CELF4: variants seen among roughly 807,000 people sequenced by gnomAD.
CELF4 encodes the protein CUGBP Elav-like family member 4.
A neutral mutation model predicts 59.9 loss-of-function variants in CELF4; 18 were observed. The observed-to-expected ratio is 0.30, with a 90% CI of 0.21 to 0.45. CELF4 has a LOEUF of 0.45. CELF4 is among the 20% of genes least tolerant of loss of function. The pLI is 1.00. For synonymous variants in CELF4, 261 were observed against 267.1 expected (o/e 0.98, Z 0.22); for missense variants, 456 against 689.0 (o/e 0.66, Z 3.79).
At chr18:37,255,625 C>T (rs2068814133) in intron 11 of CELF4, among the ~76,000 whole-genome samples, 1 of 151,744 alleles carries the variant, frequency 6.6e-6, no homozygotes, top group African/African-American at 2.4e-5. Flanking sequence ...TCACTAAAGT[C>T]AAGTTACGTC....
intron 2 of CELF4, among the ~76,000 whole-genome samples, chr18:37,350,391 A>G (rs1364379219): frequency 2.6e-5 from 4 of 152,190 alleles, no homozygotes; most frequent in Non-Finnish European, 5.9e-5. Flanking sequence ...TCCTCTTCTC[A>G]GGACAACAGC....
chr18:37,471,906 C>T (rs1280586473), intron 2 of CELF4, among the ~76,000 whole-genome samples: 1 of 152,184 alleles, frequency 6.6e-6, no homozygotes, highest in Non-Finnish European at 1.5e-5. Flanking sequence ...AGGCTGAATG[C>T]ATATTCATTT....
intron 2 of CELF4, among the ~76,000 whole-genome samples, chr18:37,324,250 G>C (rs998909214): frequency 6.6e-6 from 1 of 152,156 alleles, no homozygotes; most frequent in Admixed American, 6.5e-5. Flanking sequence ...AATTCATACA[G>C]TGAAGCCCTA....
chr18:37,451,451 C>T (rs1348921832), intron 2 of CELF4, among the ~76,000 whole-genome samples: 3 of 152,154 alleles, frequency 2.0e-5, no homozygotes, highest in Non-Finnish European at 2.9e-5. Flanking sequence ...TGTGCATGTG[C>T]AGTATGTATG....
chr18:37,442,780 C>A (rs2154601261), intron 2 of CELF4, among the ~76,000 whole-genome samples: 1 of 152,296 alleles, frequency 6.6e-6, no homozygotes, highest in East Asian at 1.9e-4. Flanking sequence ...TGGGAATGAA[C>A]AAGACGTCTT....
chr18:37,487,055 A>C (rs1170777101), intron 1 of CELF4, among the ~76,000 whole-genome samples: 1 of 152,156 alleles, frequency 6.6e-6, no homozygotes, highest in African/African-American at 2.4e-5. Flanking sequence ...TCGTGGCCCA[A>C]GCCCTCCTCT....
At chr18:37,425,344 G>A (rs1265056551) in intron 2 of CELF4, among the ~76,000 whole-genome samples, 1 of 152,230 alleles carries the variant, frequency 6.6e-6, no homozygotes. Context: ...AAGAAGACAA[G>A]GCCCCTCCGG....
intron 2 of CELF4, among the ~76,000 whole-genome samples, chr18:37,398,698 C>T (rs1054450180): frequency 6.6e-6 from 1 of 152,222 alleles, no homozygotes; most frequent in Admixed American, 6.5e-5. Flanking sequence ...CTTGAGGCCT[C>T]TGGCCTTTGT....
At position 37,286,667 on chromosome 18, in the gene CELF4, T is replaced by A. The variant is rs201111729; in HGVS notation, c.449-11424A>T. Among the ~76,000 whole-genome samples the A allele has an allele frequency of 9.2e-5, 14 of 152,008 alleles. No homozygotes were observed. In the East Asian group the frequency reaches 2.7e-3, roughly 29 times the overall value. ...CCCACTGGCCATCTTCCCGGGGAGG[T>A]GCAAGGCCTCAGCATCCTCCTTACT... On this transcript the variant is annotated intron_variant, in intron 3 of 12. Coordinates refer to ENST00000420428, the MANE Select transcript of CELF4 (RefSeq NM_020180.4).
chr18:37,376,767 C>G (rs2098974609), intron 2 of CELF4, among the ~76,000 whole-genome samples: 1 of 152,218 alleles, frequency 6.6e-6, no homozygotes, highest in Non-Finnish European at 1.5e-5. Context: ...AGGGTAGGTC[C>G]TGTTTTCCTC....
chr18:37,449,386 C>T (rs900971878), intron 2 of CELF4, among the ~76,000 whole-genome samples: 2 of 152,134 alleles, frequency 1.3e-5, no homozygotes, highest in African/African-American at 4.8e-5. Context: ...CATGACAGTG[C>T]TGGGAGCTTG....
At chr18:37,296,354 C>T (rs1044898819) in intron 3 of CELF4, among the ~76,000 whole-genome samples, 2 of 152,152 alleles carry the variant, frequency 1.3e-5, no homozygotes, top group Admixed American at 1.3e-4. Flanking sequence ...TGCCACCATG[C>T]CTGCCTAATT....
intron 3 of CELF4, among the ~76,000 whole-genome samples, chr18:37,284,009 T>TG (rs2094476370): frequency 1.2e-4 from 5 of 42,984 alleles, no homozygotes; most frequent in Non-Finnish European, 1.4e-4. Context: ...ACCCAACCAC[T>TG]CAACATGCAC....
At chr18:37,463,012 G>A (rs1456802767) in intron 2 of CELF4, among the ~76,000 whole-genome samples, 1 of 152,070 alleles carries the variant, frequency 6.6e-6, no homozygotes, top group African/African-American at 2.4e-5. Flanking sequence ...TGCACTCTGG[G>A]GGAACACAGG....
At chr18:37,415,879 C>T (rs1207171019) in intron 2 of CELF4, among the ~76,000 whole-genome samples, 1 of 152,170 alleles carries the variant, frequency 6.6e-6, no homozygotes, top group Non-Finnish European at 1.5e-5. Context: ...ACGACTACTG[C>T]AATATTAGTG....
rs960500931 is a variant in CELF4, at chr18:37,499,798, T to C, written c.287-14191A>G. ...CTTTTTTGTAAAGTGGGTTTGATGA[T>C]CCCTACCCATGAGTCTGTGTCCTCA... On this transcript the variant is annotated intron_variant, in intron 1 of 12. Transcript: ENST00000420428. Among the ~76,000 whole-genome samples, 3 of 152,128 alleles carry C rather than the reference T, an allele frequency of 2.0e-5. 1 individual carries two copies. The South Asian group carries it at 6.2e-4, about 32-fold the overall frequency.
chr18:37,462,273 C>T (rs1159304423), intron 2 of CELF4, among the ~76,000 whole-genome samples: 2 of 152,184 alleles, frequency 1.3e-5, no homozygotes, highest in African/African-American at 4.8e-5. Flanking sequence ...GCATCACGGT[C>T]TCCTGGGGGT....
At chr18:37,454,816 A>G (rs541058026) in intron 2 of CELF4, among the ~76,000 whole-genome samples, 2 of 152,282 alleles carry the variant, frequency 1.3e-5, no homozygotes, top group East Asian at 3.9e-4. Flanking sequence ...AACTAAACAC[A>G]TTGTTTTCAC....
In CELF4 at chr18:37,453,829, C is replaced by T. The variant is rs2099770822; in HGVS notation, c.369+31696G>A. On this transcript the variant is annotated intron_variant, in intron 2 of 12. Coordinates refer to ENST00000420428, the MANE Select transcript of CELF4 (RefSeq NM_020180.4). ...ATGCCGATATGAGCCTCTGTACCAC[C>T]CTGGCACCTAATAATACATAAGGTA... Among the ~76,000 whole-genome samples the T allele has an allele frequency of 4.6e-5, 7 of 152,274 alleles. No homozygotes were observed. In the South Asian group the frequency reaches 1.5e-3, roughly 32 times the overall value.
Sources: gnomAD v4.1 joint callset for allele counts (sites outside exome capture counted in the v4.1 genomes callset) on GRCh38, gnomAD v4.1.1 for gene constraint, MANE v1.5 for transcripts, NCBI Gene and HGNC (gene_info 2026-07-23, HGNC 2026-07-21) for gene names.